CUL4A: variants seen among roughly 807,000 people sequenced by gnomAD.
The protein encoded by CUL4A is cullin 4A, also known as cullin-4A.
In CUL4A, 16 loss-of-function variants were observed where a neutral mutation model predicts 95.5. The ratio of observed to expected loss-of-function variants is 0.17; its 90% CI spans 0.11 to 0.25. The LOEUF is 0.25. Ranked by LOEUF, CUL4A falls within the 10% of genes least tolerant of loss-of-function variation. The pLI, the probability that CUL4A is intolerant of heterozygous loss-of-function variation, is 1.00. For synonymous variants in CUL4A, 380 were observed against 353.1 expected (o/e 1.08, Z -0.85); for missense variants, 610 against 937.0 (o/e 0.65, Z 4.56).
rs111526287 is a variant in CUL4A, at chr13:113,254,927, T to G, written c.1859-26T>G. ...GAGTCTCATTCGTTTAACGCCAGCC[T>G]TTGCCTGCATTTGCTTCCCATTCAG... On this transcript the variant is annotated intron_variant, in intron 17 of 19. Coordinates refer to ENST00000375440, the MANE Select transcript of CUL4A (RefSeq NM_001008895.4). 4.0e-5 allele frequency: 65 copies of G among 1,607,604 alleles called. No homozygotes were observed. In the African/African-American group the frequency reaches 6.5e-4, roughly 16 times the overall value.
Position 113,210,868 on chromosome 13 carries a change from C to T in CUL4A, c.264+780C>T, listed in dbSNP as rs548489893. ...AAAATACAAAAAAGAAGACTTCAATCACCTATACTCCTACCACCCAAAGAA... is the reference window on the plus strand; with the variant it reads ...AAAATACAAAAAAGAAGACTTCAATTACCTATACTCCTACCACCCAAAGAA... On this transcript the variant is annotated intron_variant, in intron 2 of 19. Transcript: ENST00000375440. 2.6e-5 allele frequency among the ~76,000 whole-genome samples: 4 copies of T among 152,330 alleles called. No homozygotes were observed. The South Asian group carries it at 6.2e-4, about 24-fold the overall frequency.
intron 2 of CUL4A, among the ~76,000 whole-genome samples, chr13:113,216,079 A>G (rs1006420695): frequency 2.8e-5 from 4 of 140,434 alleles, no homozygotes; most frequent in African/African-American, 8.3e-5. Flanking sequence ...TTGTGTGACT[A>G]TGGAGGTCAC....
intron 3 of CUL4A, chr13:113,219,405 G>A (rs890322340): frequency 1.1e-5 from 2 of 186,648 alleles, no homozygotes; most frequent in Admixed American, 5.7e-5. Context: ...ACTTATCAGC[G>A]CACAGTTGTG....
intron 18 of CUL4A, among the ~76,000 whole-genome samples, chr13:113,257,191 C>T (rs2042152208): frequency 1.3e-5 from 2 of 152,120 alleles, no homozygotes; most frequent in African/African-American, 4.8e-5. Flanking sequence ...TCCCAAAATG[C>T]TGAGATTACA....
At position 113,264,456 on chromosome 13, in the gene CUL4A, A is replaced by C. The variant is rs11552924; in HGVS notation, c.*874A>C. ...AGGGACGATCCTTGTTCTCTGCTGT[A>C]AACTGTAAAAAGTTTATGGAGACTT... On this transcript the variant is annotated 3_prime_UTR_variant, in exon 20 of 20. Coordinates refer to ENST00000375440, the MANE Select transcript of CUL4A (RefSeq NM_001008895.4). 0.041 allele frequency: 6,214 copies of C among 152,274 alleles called. 158 individuals carry two copies. Among genetic ancestry groups the C allele is most frequent in the Middle Eastern group, 0.16 (48 of 294 alleles). 9.4% of individuals were successfully genotyped at this position (152,274 alleles called of 1,614,324 possible). A position where few individuals can be genotyped will look rare whatever the true frequency, so the allele number is the denominator to read the frequency against.
chr13:113,225,143 A>G (rs988490391), intron 3 of CUL4A, among the ~76,000 whole-genome samples: 5 of 152,092 alleles, frequency 3.3e-5, no homozygotes, highest in Admixed American at 6.5e-5. Context: ...AACTCGTCTC[A>G]GTAGGCTGTA....
chr13:113,263,467 G>T lies in CUL4A; in HGVS notation c.2185-20G>T. The T allele has an allele frequency of 6.5e-7, 1 of 1,528,948 alleles. No individual in the cohort carries two copies. The highest frequency in any genetic ancestry group is 9.0e-7 in the Non-Finnish European group (1 of 1,112,748). 94.7% of individuals were successfully genotyped at this position (1,528,948 alleles called of 1,614,324 possible). A position where few individuals can be genotyped will look rare whatever the true frequency, so the allele number is the denominator to read the frequency against. On this transcript the variant is annotated intron_variant, in intron 19 of 19. Transcript: ENST00000375440. ...ATTTAATGCCATTGTAATTAGGGGG[G>T]TTTTATTCTTCTTTTTTAGCCTGGA...
chr13:113,265,971 A>G lies in CUL4A; in HGVS notation c.*2389A>G, dbSNP rs1335436745. 6.6e-6 allele frequency: 1 copy of G among 152,240 alleles called. No homozygotes were observed. Among genetic ancestry groups the G allele is most frequent in the Non-Finnish European group, 1.5e-5 (1 of 68,044 alleles). 9.4% of individuals were successfully genotyped at this position (152,240 alleles called of 1,614,324 possible). On this transcript the variant is annotated 3_prime_UTR_variant, in exon 20 of 20. Transcript: ENST00000375440. ...AAGTTAACCAGACACAAAATTAACA[A>G]AAACATCAGTAGCTTTCCTATAAAT...
rs772731574 is a variant in CUL4A at position 113,233,289 on chromosome 13, G to A, written c.625G>A (p.Val209Met). ...LIERERSGEAVDRSLLRSLLG... is the reference protein window; with the variant it reads ...LIERERSGEAMDRSLLRSLLG... ...CGAGCGCGAGAGGAGCGGCGAGGCCGTGGACCGGAGCCTGTTGCGGAGCCT... is the reference window on the plus strand; with the variant it reads ...CGAGCGCGAGAGGAGCGGCGAGGCCATGGACCGGAGCCTGTTGCGGAGCCT... Residue 209 changes from valine (V) to methionine (M), a missense_variant, in exon 6 of 20, where the codon GTG becomes ATG. Around this residue, in one of 10 missense-constraint regions of CUL4A, gnomAD observed 97 missense variants for 100.3 expected, o/e 0.97. Transcript: ENST00000375440. 2.1e-5 allele frequency: 34 copies of A among 1,613,720 alleles called. No homozygotes were observed. Among genetic ancestry groups the A allele is most frequent in the Admixed American group, 6.7e-5 (4 of 60,026 alleles).
chr13:113,247,868 C>T (rs1364969455), intron 15 of CUL4A, among the ~76,000 whole-genome samples: 1 of 152,206 alleles, frequency 6.6e-6, no homozygotes, highest in Admixed American at 6.5e-5. Context: ...ACTTTCACCC[C>T]ATTTCTGTTG....
intron 3 of CUL4A, among the ~76,000 whole-genome samples, chr13:113,223,994 C>T (rs917310758): frequency 2.0e-5 from 3 of 152,188 alleles, no homozygotes; most frequent in Non-Finnish European, 2.9e-5. Context: ...CTGCAGAACC[C>T]ACACCACATG....
chr13:113,223,126 A>G (rs375458290), intron 3 of CUL4A, among the ~76,000 whole-genome samples: 2 of 152,270 alleles, frequency 1.3e-5, no homozygotes, highest in African/African-American at 4.8e-5. Flanking sequence ...CCTAGTAAAC[A>G]TGGGGTGTTT....
At chr13:113,253,267 C>G (rs966702768) in intron 16 of CUL4A, 72 bp downstream of exon 16, 5 of 695,728 alleles carry the variant, frequency 7.2e-6, no homozygotes, top group Non-Finnish European at 1.1e-5. Flanking sequence ...TGTTACTGGA[C>G]TTTAGTAGCA....
At chr13:113,260,855 A>G (rs972023233) in intron 19 of CUL4A, 96 bp downstream of exon 19, 7 of 954,526 alleles carry the variant, frequency 7.3e-6, no homozygotes, top group Admixed American at 2.8e-5. Flanking sequence ...TTTGACCTGC[A>G]TTATTCATGG....
At chr13:113,208,686 C>G (rs777261094), upstream of CUL4A, 4 of 1,565,978 alleles carry the variant, frequency 2.6e-6, no homozygotes, top group African/African-American at 1.4e-5. Context: ...AGCGGGCCAG[C>G]TGGCGTCACT....
Position 113,233,197 on chromosome 13 carries a change from T to G in CUL4A, c.533T>G (p.Phe178Cys). ...PSIWDMGLEL[F>C]RTHIISDKMV... ...TACAGGGATATGGGATTAGAACTGTTTAGAACCCATATTATTAGTGATAAA... is the reference window on the plus strand; with the variant it reads ...TACAGGGATATGGGATTAGAACTGTGTAGAACCCATATTATTAGTGATAAA... The change falls in exon 6 of 20, where the codon TTT (phenylalanine) becomes TGT (cysteine). Residue 178 changes from phenylalanine (F) to cysteine (C), a missense_variant. Phe to Cys is a radical substitution (Grantham distance 205). Transcript: ENST00000375440. The G allele has an allele frequency of 6.2e-7, 1 of 1,614,124 alleles. No individual in the cohort carries two copies. Among genetic ancestry groups the G allele is most frequent in the Non-Finnish European group, 8.5e-7 (1 of 1,179,980 alleles).
chr13:113,222,352 A>G (rs1768813451), intron 3 of CUL4A, among the ~76,000 whole-genome samples: 1 of 151,956 alleles, frequency 6.6e-6, no homozygotes, highest in African/African-American at 2.4e-5. Context: ...CAGCAAAACC[A>G]CAGGGTGGAA....
chr13:113,211,926 G>C (rs1417397410), intron 2 of CUL4A, among the ~76,000 whole-genome samples: 1 of 152,186 alleles, frequency 6.6e-6, no homozygotes, highest in Non-Finnish European at 1.5e-5. Context: ...ACCAGCGTGT[G>C]CGTCTCTCCC....
chr13:113,213,598 C>T (rs1251618260), intron 2 of CUL4A, among the ~76,000 whole-genome samples: 2 of 152,130 alleles, frequency 1.3e-5, no homozygotes, highest in African/African-American at 2.4e-5. Context: ...ATATCTGCTG[C>T]CTCATTATTT....
Sources: gnomAD v4.1 joint callset for allele counts (sites outside exome capture counted in the v4.1 genomes callset) on GRCh38, gnomAD v4.1.1 for gene constraint, gnomAD v4.1.1 regional missense constraint, MANE v1.5 for transcripts, NCBI Gene and HGNC (gene_info 2026-07-23, HGNC 2026-07-21) for gene names.